The following PLPPR4 variants were observed in gnomAD, a reference collection of about 807,000 sequenced individuals.
PLPPR4 encodes the protein phospholipid phosphatase related 4, also known as phospholipid phosphatase-related protein type 4.
In PLPPR4, 24 loss-of-function variants were observed where a neutral mutation model predicts 56.6. That is an observed-to-expected ratio of 0.42 (90% CI 0.31 to 0.60). The LOEUF (loss-of-function observed/expected upper bound fraction) is 0.60. PLPPR4 is among the 20% of genes least tolerant of loss of function. PLPPR4 has a pLI of 0.13. For synonymous variants in PLPPR4, 326 were observed against 328.1 expected (o/e 0.99, Z 0.07); for missense variants, 654 against 885.8 (o/e 0.74, Z 3.32).
intron 1 of PLPPR4, among the ~76,000 whole-genome samples, chr1:99,265,024 G>C (rs1451906390): frequency 6.6e-6 from 1 of 152,178 alleles, no homozygotes; most frequent in Admixed American, 6.5e-5. Flanking sequence ...TTCGGGATTT[G>C]TGTCTTCAAC....
At chr1:99,274,183 A>G (rs570123545) in intron 1 of PLPPR4, among the ~76,000 whole-genome samples, 1 of 151,940 alleles carries the variant, frequency 6.6e-6, no homozygotes, top group East Asian at 1.9e-4. Flanking sequence ...TTTTTAAAAG[A>G]ATATAGTTTT....
upstream of PLPPR4, chr1:99,264,491 C>T (rs1474428183): frequency 9.8e-6 from 15 of 1,538,004 alleles, no homozygotes; most frequent in African/African-American, 1.4e-5. Context: ...GGGAATGTGA[C>T]ATCAGCGGCG....
intron 2 of PLPPR4, 103 bp from the exon 3 acceptor site, chr1:99,296,635 T>C (rs1659748558): frequency 2.1e-6 from 2 of 948,054 alleles, no homozygotes; most frequent in South Asian, 6.4e-5. Context: ...ATCTTTACTT[T>C]ATTGAATTGA....
chr1:99,305,568 C>A (rs1660000612), intron 6 of PLPPR4, 117 bp from the exon 7 acceptor site: 2 of 897,866 alleles, frequency 2.2e-6, no homozygotes, highest in Non-Finnish European at 1.7e-6. Flanking sequence ...ATTATTTGTA[C>A]TAGTCAATGG....
chr1:99,308,543 T>C lies in PLPPR4; in HGVS notation c.*1533T>C, dbSNP rs970513878. 13 of 152,610 alleles carry C rather than the reference T, an allele frequency of 8.5e-5. No individual in the cohort carries two copies. Among genetic ancestry groups the C allele is most frequent in the African/African-American group, 2.7e-4 (11 of 41,444 alleles). The allele number at this position is 152,610 out of a possible 1,614,324, so 9.5% of individuals were successfully genotyped here. On this transcript the variant is annotated 3_prime_UTR_variant, in exon 7 of 7. Transcript: ENST00000370185. ...GCCATTTCATAAGAATTCCGATATATACTTGATGATTGCCAAGGGGATGAA... is the reference window on the plus strand; with the variant it reads ...GCCATTTCATAAGAATTCCGATATACACTTGATGATTGCCAAGGGGATGAA...
At chr1:99,282,559 C>T (rs1659355900) in intron 1 of PLPPR4, among the ~76,000 whole-genome samples, 1 of 152,130 alleles carries the variant, frequency 6.6e-6, no homozygotes, top group Admixed American at 6.6e-5. Flanking sequence ...TTTTGACCCA[C>T]CATGATCATC....
chr1:99,286,144 C>A (rs1659458077), intron 1 of PLPPR4, among the ~76,000 whole-genome samples: 1 of 152,160 alleles, frequency 6.6e-6, no homozygotes, highest in Admixed American at 6.6e-5. Context: ...TTCAGATAAA[C>A]AATGAATAAC....
chr1:99,271,788 G>T (rs1033330201), intron 1 of PLPPR4, among the ~76,000 whole-genome samples: 1 of 151,966 alleles, frequency 6.6e-6, no homozygotes, highest in Admixed American at 6.6e-5. Context: ...GAATATGTAG[G>T]TGTGTCCAAA....
At position 99,307,462 on chromosome 1, in the gene PLPPR4, G is replaced by A. The variant is rs1409094531; in HGVS notation, c.*452G>A. 2 of 167,442 alleles carry A rather than the reference G, an allele frequency of 1.2e-5. No individual in the cohort carries two copies. Among genetic ancestry groups the A allele is most frequent in the Non-Finnish European group, 2.6e-5 (2 of 75,934 alleles). The allele number at this position is 167,442 out of a possible 1,614,324, so 10.4% of individuals were successfully genotyped here. A position where few individuals can be genotyped will look rare whatever the true frequency, so the allele number is the denominator to read the frequency against. On this transcript the variant is annotated 3_prime_UTR_variant, in exon 7 of 7. Coordinates refer to ENST00000370185, the MANE Select transcript of PLPPR4 (RefSeq NM_014839.5). ...TCTGCACCTACAGCTCAATACGGGT[G>A]GTGCTGATTATTATAGTACATATAC...
rs1284084183 is a variant in PLPPR4 at position 99,309,141 on chromosome 1, A to G, written c.*2131A>G. ...AATTGTACCACATTGTTAAGGACAT[A>G]TAATGATAGACACTAGAACTCAGAC... On this transcript the variant is annotated 3_prime_UTR_variant, in exon 7 of 7. Coordinates refer to ENST00000370185, the MANE Select transcript of PLPPR4 (RefSeq NM_014839.5). The G allele has an allele frequency of 6.6e-6, 1 of 152,634 alleles. No homozygotes were observed. Among genetic ancestry groups the G allele is most frequent in the Non-Finnish European group, 1.5e-5 (1 of 68,028 alleles). The allele number at this position is 152,634 out of a possible 1,614,324, so 9.5% of individuals were successfully genotyped here. A position where few individuals can be genotyped will look rare whatever the true frequency, so the allele number is the denominator to read the frequency against.
chr1:99,265,930 G>A (rs1422312515), intron 1 of PLPPR4, among the ~76,000 whole-genome samples: 1 of 152,102 alleles, frequency 6.6e-6, no homozygotes. Flanking sequence ...ATAACTTTCA[G>A]AGAAATGATG....
chr1:99,278,508 G>A (rs1276384131), intron 1 of PLPPR4, among the ~76,000 whole-genome samples: 1 of 152,148 alleles, frequency 6.6e-6, no homozygotes, highest in Non-Finnish European at 1.5e-5. Context: ...ACAGCTGGAA[G>A]AAAGGATTTA....
chr1:99,293,548 G>T (rs866188584), intron 2 of PLPPR4, among the ~76,000 whole-genome samples: 2 of 151,932 alleles, frequency 1.3e-5, no homozygotes, highest in African/African-American at 4.8e-5. Flanking sequence ...AAAAAAGGGC[G>T]CTTTTTCTTC....
chr1:99,294,692 T>A (rs1659699430), intron 2 of PLPPR4, among the ~76,000 whole-genome samples: 1 of 137,908 alleles, frequency 7.3e-6, no homozygotes, highest in African/African-American at 2.8e-5. Flanking sequence ...CAAGACTCAG[T>A]CTCAAAAAAA....
At chr1:99,295,561 T>C (rs1046634736) in intron 2 of PLPPR4, among the ~76,000 whole-genome samples, 1 of 152,236 alleles carries the variant, frequency 6.6e-6, no homozygotes, top group Admixed American at 6.5e-5. Context: ...TTAATTGTAC[T>C]TTCCTCAGCT....
At chr1:99,264,227 CA>C, upstream of PLPPR4, 2 of 538,632 alleles carry the variant, frequency 3.7e-6, no homozygotes, top group Non-Finnish European at 6.4e-6. Context: ...TTCTTGACGT[CA>C]AGCTCCGACA....
intron 2 of PLPPR4, among the ~76,000 whole-genome samples, chr1:99,289,499 T>C (rs1326362769): frequency 6.6e-6 from 1 of 152,200 alleles, no homozygotes; most frequent in African/African-American, 2.4e-5. Flanking sequence ...AGTTATTCTA[T>C]AGTGACTGTC....
At chr1:99,294,155 C>T (rs1659686893) in intron 2 of PLPPR4, among the ~76,000 whole-genome samples, 1 of 151,570 alleles carries the variant, frequency 6.6e-6, no homozygotes, top group Non-Finnish European at 1.5e-5. Flanking sequence ...GAAACATCTC[C>T]CTATACCCTG....
chr1:99,264,146 G>A (rs1329642125), upstream of PLPPR4: 3 of 432,604 alleles, frequency 6.9e-6, no homozygotes, highest in Non-Finnish European at 1.2e-5. Flanking sequence ...AGGCTCCCCA[G>A]GAGGAGACTA....
Sources: gnomAD v4.1 joint callset for allele counts (sites outside exome capture counted in the v4.1 genomes callset) on GRCh38, gnomAD v4.1.1 for gene constraint, MANE v1.5 for transcripts, NCBI Gene and HGNC (gene_info 2026-07-23, HGNC 2026-07-21) for gene names.